TMEM132D: variants seen among roughly 807,000 people sequenced by gnomAD.
TMEM132D encodes mature OL transmembrane protein.
In TMEM132D, 21 loss-of-function variants were observed where a neutral mutation model predicts 62.3. The observed-to-expected ratio is 0.34, with a 90% CI of 0.24 to 0.49. TMEM132D has a LOEUF of 0.49. Among genes scored for constraint, TMEM132D ranks in the 20% least tolerant of loss-of-function variants. TMEM132D has a pLI of 0.99. For missense variants in TMEM132D, 1,346 were observed against 1,402.8 expected, an observed-to-expected ratio of 0.96 and a Z score of 0.65; for synonymous variants, 621 against 575.6, an observed-to-expected ratio of 1.08 and a Z score of -1.13.
At chr12:129,733,853 T>C (rs1377626232) in intron 1 of TMEM132D, among the ~76,000 whole-genome samples, 1 of 152,188 alleles carries the variant, frequency 6.6e-6, no homozygotes, top group Non-Finnish European at 1.5e-5. Flanking sequence ...CAGGATCTGC[T>C]GATGGATCAG....
At chr12:129,858,475 G>A (rs866124006) in intron 1 of TMEM132D, among the ~76,000 whole-genome samples, 1 of 12,270 alleles carries the variant, frequency 8.1e-5, no homozygotes, top group Non-Finnish European at 1.4e-4. Context: ...CCCTTGTAAC[G>A]GAGTCCAGGG....
intron 2 of TMEM132D, among the ~76,000 whole-genome samples, chr12:129,639,016 G>T (rs113822801): frequency 7.9e-5 from 12 of 152,168 alleles, no homozygotes; most frequent in African/African-American, 1.4e-4. Context: ...AAGGAAAAAG[G>T]TCAACTGGAA....
intron 5 of TMEM132D, among the ~76,000 whole-genome samples, chr12:129,184,553 GT>G (rs1878165464): frequency 6.6e-6 from 1 of 152,204 alleles, no homozygotes; most frequent in Admixed American, 6.5e-5. Flanking sequence ...GGCTGGGGTG[GT>G]GGATTTTGGG....
At chr12:129,553,057 C>G (rs1181509334) in intron 2 of TMEM132D, among the ~76,000 whole-genome samples, 1 of 152,220 alleles carries the variant, frequency 6.6e-6, no homozygotes, top group Non-Finnish European at 1.5e-5. Context: ...GCTGGTCTGA[C>G]AGCATCCACC....
At chr12:129,781,302 A>C (rs1394852206) in intron 1 of TMEM132D, among the ~76,000 whole-genome samples, 1 of 152,106 alleles carries the variant, frequency 6.6e-6, no homozygotes, top group Non-Finnish European at 1.5e-5. Flanking sequence ...AATAGTTCTA[A>C]ACACCCAATC....
intron 5 of TMEM132D, among the ~76,000 whole-genome samples, chr12:129,093,265 G>T (rs1389084614): frequency 1.3e-5 from 2 of 152,134 alleles, no homozygotes; most frequent in African/African-American, 4.8e-5. Flanking sequence ...CAGATGACAT[G>T]ATTGTATATC....
chr12:129,757,564 C>A (rs912792929), intron 1 of TMEM132D, among the ~76,000 whole-genome samples: 11 of 152,124 alleles, frequency 7.2e-5, no homozygotes, highest in Non-Finnish European at 1.6e-4. Flanking sequence ...CAAAGCCAGC[C>A]CCATGATCTT....
At chr12:129,505,441 C>T (rs956848595) in intron 3 of TMEM132D, among the ~76,000 whole-genome samples, 2 of 152,080 alleles carry the variant, frequency 1.3e-5, no homozygotes, top group Admixed American at 6.6e-5. Flanking sequence ...GATGGGGTTT[C>T]GCCATGTTAG....
intron 5 of TMEM132D, among the ~76,000 whole-genome samples, chr12:129,123,262 G>A (rs920159993): frequency 5.9e-5 from 9 of 152,186 alleles, no homozygotes; most frequent in African/African-American, 9.6e-5. Flanking sequence ...TAAAGACATT[G>A]TGTTATATTT....
chr12:129,085,449 A>T lies in TMEM132D; in HGVS notation c.1444-747T>A, dbSNP rs893027580. The T allele has an allele frequency of 2.0e-5, 3 of 152,232 alleles. No individual in the cohort carries two copies. In the East Asian group the frequency reaches 5.8e-4, roughly 29 times the overall value. The allele number at this position is 152,232 out of a possible 1,614,324, so 9.4% of individuals were successfully genotyped here. A position where few individuals can be genotyped will look rare whatever the true frequency, so the allele number is the denominator to read the frequency against. ...CTTCACAGAAGTTGCCCACCATGCG[A>T]GCTAGCTCAATGATGCACCTCCTGC... is the stretch of plus-strand genomic sequence containing the variant. On this transcript the variant is annotated intron_variant, in intron 5 of 8. Transcript: ENST00000422113.
intron 4 of TMEM132D, among the ~76,000 whole-genome samples, chr12:129,241,150 CAA>C (rs35152074): frequency 0.013 from 1,241 of 95,574 alleles, 10 homozygotes; most frequent in Middle Eastern, 0.036. Flanking sequence ...CCTCTTACCT[CAA>C]AAAAAAAAAA....
At chr12:129,129,939 CT>C (rs1416113567) in intron 5 of TMEM132D, among the ~76,000 whole-genome samples, 4 of 151,978 alleles carry the variant, frequency 2.6e-5, no homozygotes, top group Admixed American at 1.3e-4. Context: ...TTTATTCTCC[CT>C]AGCCCAACCT....
intron 1 of TMEM132D, among the ~76,000 whole-genome samples, chr12:129,823,296 T>C (rs1432062204): frequency 4.6e-5 from 7 of 152,240 alleles, no homozygotes; most frequent in Admixed American, 1.3e-4. Flanking sequence ...AATGGAAGAA[T>C]GGCCTAACAC....
At chr12:129,588,942 C>T (rs1033344453) in intron 2 of TMEM132D, among the ~76,000 whole-genome samples, 3 of 152,142 alleles carry the variant, frequency 2.0e-5, no homozygotes, top group Admixed American at 6.5e-5. Flanking sequence ...TTCCTTCAGC[C>T]GTGCCTTGTG....
intron 4 of TMEM132D, among the ~76,000 whole-genome samples, chr12:129,266,016 C>T (rs1880682163): frequency 6.6e-6 from 1 of 152,090 alleles, no homozygotes; most frequent in Non-Finnish European, 1.5e-5. Flanking sequence ...TAAATAGGTG[C>T]ACTGAGTGAC....
intron 5 of TMEM132D, among the ~76,000 whole-genome samples, chr12:129,147,238 A>G (rs1417280834): frequency 1.5e-5 from 2 of 131,800 alleles, no homozygotes; most frequent in Non-Finnish European, 3.2e-5. Context: ...ATGTATATAT[A>G]CATATGTTTA....
chr12:129,416,350 CTCTG>C (rs907857527), intron 3 of TMEM132D, among the ~76,000 whole-genome samples: 27 of 152,106 alleles, frequency 1.8e-4, no homozygotes, highest in Middle Eastern at 3.2e-3. Flanking sequence ...TGATTTGGCT[CTCTG>C]TCTATTATTG....
intron 1 of TMEM132D, among the ~76,000 whole-genome samples, chr12:129,817,091 A>G (rs1457638595): frequency 6.6e-6 from 1 of 152,250 alleles, no homozygotes; most frequent in Non-Finnish European, 1.5e-5. Flanking sequence ...AAGAATGGTG[A>G]AAGCTGGTAT....
Position 129,209,511 on chromosome 12 carries a change from T to C in TMEM132D, c.1443+9A>G, listed in dbSNP as rs1346944444. On this transcript the variant is annotated intron_variant, in intron 5 of 8. Coordinates refer to ENST00000422113, the MANE Select transcript of TMEM132D (RefSeq NM_133448.3). ...AGGTTTCTGCAGGGGCGGGGAGGTG[T>C]CAACTTGCCTTAATCACGTCTTCAT... is the stretch of plus-strand genomic sequence containing the variant. 1.2e-6 allele frequency: 2 copies of C among 1,613,108 alleles called. No individual in the cohort carries two copies. The highest frequency in any genetic ancestry group is 1.7e-6 in the Non-Finnish European group (2 of 1,179,574).
Sources: gnomAD v4.1 joint callset for allele counts (sites outside exome capture counted in the v4.1 genomes callset) on GRCh38, gnomAD v4.1.1 for gene constraint, MANE v1.5 for transcripts, NCBI Gene and HGNC (gene_info 2026-07-23, HGNC 2026-07-21) for gene names.